The following ARHGEF33 variants were observed in gnomAD, a reference collection of about 807,000 sequenced individuals.
The protein encoded by ARHGEF33 is DH and coiled-coil domain-containing protein ENSP00000381780.
ARHGEF33 carries 72 observed loss-of-function variants against 101.9 expected under a neutral mutation model. That is an observed-to-expected ratio of 0.71 (90% CI 0.58 to 0.86). ARHGEF33 has a LOEUF of 0.86. ARHGEF33 is among the 40% of genes least tolerant of loss of function. ARHGEF33 has a pLI of 0.00. For synonymous variants in ARHGEF33, 499 were observed against 442.5 expected (o/e 1.13, Z -1.60); for missense variants, 1,169 against 1,111.3 (o/e 1.05, Z -0.74).
chr2:38,909,706 AT>A (rs71813216), intron 2 of ARHGEF33, among the ~76,000 whole-genome samples: 78,110 of 111,794 alleles, frequency 0.7, 29,207 homozygotes, highest in East Asian at 0.9. Context: ...TTCAAGGATG[AT>A]TTTTTTTTTT....
chr2:38,947,145 A>G (rs1025126959), intron 10 of ARHGEF33, among the ~76,000 whole-genome samples: 3 of 152,234 alleles, frequency 2.0e-5, no homozygotes, highest in Admixed American at 2.0e-4. Flanking sequence ...CCCCATTGGA[A>G]AGTAAGTTGG....
At chr2:38,972,660 T>C (rs940110217) in intron 17 of ARHGEF33, among the ~76,000 whole-genome samples, 21 of 152,210 alleles carry the variant, frequency 1.4e-4, no homozygotes, top group African/African-American at 5.1e-4. Context: ...ATTCTGCCCA[T>C]TAATTCAGTA....
intron 2 of ARHGEF33, among the ~76,000 whole-genome samples, chr2:38,912,953 T>C (rs1666544391): frequency 6.6e-6 from 1 of 151,964 alleles, no homozygotes; most frequent in South Asian, 2.1e-4. Flanking sequence ...GTTTGGCATA[T>C]AGCAGCTGTT....
chr2:38,891,055 C>A (rs1665985657), intron 1 of ARHGEF33, among the ~76,000 whole-genome samples: 1 of 151,570 alleles, frequency 6.6e-6, no homozygotes, highest in African/African-American at 2.4e-5. Flanking sequence ...ACCTCAGCCC[C>A]CACAGGTAAC....
chr2:38,906,604 A>T (rs1479962619), intron 2 of ARHGEF33, among the ~76,000 whole-genome samples: 1 of 152,076 alleles, frequency 6.6e-6, no homozygotes, highest in Non-Finnish European at 1.5e-5. Context: ...TTCATTGATC[A>T]ACAAAAATGT....
Position 38,973,771 on chromosome 2 carries a change from A to G in ARHGEF33, c.2541A>G (p.Ser847=). The G allele has an allele frequency of 1.3e-6, 2 of 1,549,192 alleles. No homozygotes were observed. Among genetic ancestry groups the G allele is most frequent in the Non-Finnish European group, 1.7e-6 (2 of 1,146,232 alleles). ...KTNENPSMDP[S]PTKQDFFRNR... ...ATGAGAATCCCTCAATGGATCCTTC[A>G]CCCACCAAACAAGATTTCTTCAGAA... The change falls in exon 18 of 18, where the codon TCA becomes TCG. Residue 847 remains serine (S), a synonymous_variant. Transcript: ENST00000409978.
intron 13 of ARHGEF33, among the ~76,000 whole-genome samples, chr2:38,955,069 C>T (rs1397476111): frequency 6.6e-6 from 1 of 152,226 alleles, no homozygotes; most frequent in Non-Finnish European, 1.5e-5. Flanking sequence ...AGCACCTCAT[C>T]CAGTTCTTTC....
rs1666979562 is a variant in ARHGEF33 at position 38,930,699 on chromosome 2, T to A, written c.363-410T>A. On this transcript the variant is annotated intron_variant, in intron 6 of 17. Coordinates refer to ENST00000409978, the MANE Select transcript of ARHGEF33 (RefSeq NM_001145451.5). ...TGAAAATAGAAATGTAGGAATAATA[T>A]GTGTGTGACCCTGGAGAACAGGTTG... Among the ~76,000 whole-genome samples the A allele has an allele frequency of 1.3e-5, 2 of 152,182 alleles. 1 individual carries two copies. The highest frequency in any genetic ancestry group is 4.1e-4 in the South Asian group (2 of 4,824).
chr2:38,955,376 T>A (rs988006827), intron 13 of ARHGEF33, among the ~76,000 whole-genome samples: 2 of 152,114 alleles, frequency 1.3e-5, no homozygotes, highest in Non-Finnish European at 2.9e-5. Context: ...AATTGCTGAC[T>A]GATCTTCTTA....
chr2:38,946,660 C>G (rs558980447), intron 10 of ARHGEF33, among the ~76,000 whole-genome samples: 1 of 152,304 alleles, frequency 6.6e-6, no homozygotes, highest in Admixed American at 6.5e-5. Context: ...GGATCTCACT[C>G]TGTTGCCCAG....
intron 1 of ARHGEF33, among the ~76,000 whole-genome samples, chr2:38,894,008 A>G (rs775514538): frequency 3.3e-5 from 5 of 152,180 alleles, no homozygotes; most frequent in African/African-American, 4.8e-5. Context: ...CCAAGGAAAT[A>G]TAAGAAAACT....
intron 7 of ARHGEF33, among the ~76,000 whole-genome samples, chr2:38,934,018 A>G (rs1667068592): frequency 6.6e-6 from 1 of 152,220 alleles, no homozygotes; most frequent in Admixed American, 6.5e-5. Flanking sequence ...CAAGATGTTT[A>G]GCCTCCCTAC....
chr2:38,972,632 A>G (rs1307349071), intron 17 of ARHGEF33, among the ~76,000 whole-genome samples: 1 of 152,212 alleles, frequency 6.6e-6, no homozygotes, highest in Non-Finnish European at 1.5e-5. Flanking sequence ...TCTTTGAATA[A>G]TGTAAAGAGA....
In ARHGEF33 at chr2:38,937,501, G is replaced by C; in HGVS notation, c.732G>C (p.Glu244Asp). The C allele has an allele frequency of 6.4e-7, 1 of 1,551,158 alleles. No homozygotes were observed. The change falls in exon 9 of 18, where the codon GAG (glutamate) becomes GAC (aspartate). Residue 244 changes from glutamate (E) to aspartate (D), a missense_variant. Physicochemically the swap from Glu to Asp is conservative, Grantham distance 45. Transcript: ENST00000409978. ...AAGACCACCCAGATAAACTCAAGGA[G>C]GCTGGCCAGGGTAGACACAGCTCCT... ...VTKDHPDKLK[E>D]AGQGRHSSLE...
chr2:38,910,778 T>C (rs1407558700), intron 2 of ARHGEF33, among the ~76,000 whole-genome samples: 1 of 152,210 alleles, frequency 6.6e-6, no homozygotes, highest in Non-Finnish European at 1.5e-5. Context: ...TCAACCAGTT[T>C]ACGCAGATGG....
chr2:38,932,157 C>G (rs1261119492), intron 7 of ARHGEF33, among the ~76,000 whole-genome samples: 4 of 152,136 alleles, frequency 2.6e-5, no homozygotes, highest in Admixed American at 6.5e-5. Flanking sequence ...GAGTCTCGCT[C>G]TGTCACCCAG....
chr2:38,910,726 C>G (rs1666491333), intron 2 of ARHGEF33, among the ~76,000 whole-genome samples: 1 of 152,192 alleles, frequency 6.6e-6, no homozygotes, highest in Admixed American at 6.5e-5. Flanking sequence ...ATCTCTTTCT[C>G]TCATCAGACC....
intron 13 of ARHGEF33, among the ~76,000 whole-genome samples, chr2:38,956,548 T>A (rs1667771082): frequency 1.3e-5 from 2 of 152,214 alleles, no homozygotes; most frequent in African/African-American, 4.8e-5. Context: ...GACGTTCTCA[T>A]CATTGGTCTG....
In ARHGEF33 at chr2:38,943,925, A is replaced by C. The variant is rs1372597394; in HGVS notation, c.815A>C (p.Glu272Ala). 6.4e-7 allele frequency: 1 copy of C among 1,551,910 alleles called. No individual in the cohort carries two copies. The highest frequency in any genetic ancestry group is 1.2e-5 in the South Asian group (1 of 83,982). Residue 272 changes from glutamate (E) to alanine (A), a missense_variant, in exon 10 of 18, where the codon GAA becomes GCA. Glu to Ala is a moderately radical substitution (Grantham distance 107). Transcript: ENST00000409978. ...LAAKRQTVAL[E>A]LLESERKYVI... ...GCTAAAAGACAGACTGTGGCCCTGG[A>C]ACTGCTTGAATCTGAAAGAAAATAT...
Sources: gnomAD v4.1 joint callset for allele counts (sites outside exome capture counted in the v4.1 genomes callset) on GRCh38, gnomAD v4.1.1 for gene constraint, MANE v1.5 for transcripts, NCBI Gene and HGNC (gene_info 2026-07-23, HGNC 2026-07-21) for gene names.